The following TDG variants were observed in gnomAD, a reference collection of about 807,000 sequenced individuals.
The protein encoded by TDG is thymine DNA glycosylase.
Under a neutral mutation model 46.1 loss-of-function variants are expected in TDG, and 23 were observed. The ratio of observed to expected loss-of-function variants is 0.50; its 90% CI spans 0.36 to 0.71. TDG has a LOEUF of 0.71. Among genes scored for constraint, TDG ranks in the 30% least tolerant of loss-of-function variants. The pLI, the probability that TDG is intolerant of heterozygous loss-of-function variation, is 0.00. For missense variants in TDG, 304 were observed against 486.7 expected, an observed-to-expected ratio of 0.62 and a Z score of 3.53; for synonymous variants, 115 against 161.3, an observed-to-expected ratio of 0.71 and a Z score of 2.18.
rs898426492 is a variant in TDG at position 103,965,881 on chromosome 12, G to A, written c.-157G>A. The A allele has an allele frequency of 7.5e-6, 9 of 1,200,554 alleles. No individual in the cohort carries two copies. The African/African-American group carries it at 1.2e-4, about 16-fold the overall frequency. 74.4% of individuals were successfully genotyped at this position (1,200,554 alleles called of 1,614,324 possible). A position where few individuals can be genotyped will look rare whatever the true frequency, so the allele number is the denominator to read the frequency against. On this transcript the variant is annotated 5_prime_UTR_variant, in exon 1 of 10. Transcript: ENST00000392872. ...GTCCGTGGGGGACGGTAGAAGCCTGGAGGAGGAGCTTGAGTCCAGCCACTG... is the reference window on the plus strand; with the variant it reads ...GTCCGTGGGGGACGGTAGAAGCCTGAAGGAGGAGCTTGAGTCCAGCCACTG...
At chr12:103,976,664 G>A (rs3751206) in intron 1 of TDG, among the ~76,000 whole-genome samples, 10,182 of 152,164 alleles carry the variant, frequency 0.067, 496 homozygotes, top group East Asian at 0.22. Flanking sequence ...TGACAGGACT[G>A]ATCAGTTTTA....
intron 9 of TDG, 48 bp downstream of exon 9, chr12:103,985,776 G>C (rs748966882): frequency 2.1e-6 from 3 of 1,434,446 alleles, no homozygotes; most frequent in Non-Finnish European, 2.8e-6. Flanking sequence ...GGTTTGGTCA[G>C]GATTGGGGGG....
At chr12:103,978,387 A>G (rs567274192) in intron 2 of TDG, among the ~76,000 whole-genome samples, 2 of 152,040 alleles carry the variant, frequency 1.3e-5, no homozygotes, top group Non-Finnish European at 2.9e-5. Flanking sequence ...GGGGTGGGAG[A>G]GTGGTTGGAG....
intron 1 of TDG, among the ~76,000 whole-genome samples, chr12:103,969,008 C>T (rs1333591482): frequency 1.3e-5 from 2 of 152,138 alleles, no homozygotes; most frequent in Non-Finnish European, 2.9e-5. Flanking sequence ...TAACTAGTGA[C>T]CACTACACTA....
Position 103,985,695 on chromosome 12 carries a change from A to G in TDG, c.1057A>G (p.Ser353Gly). 6.2e-7 allele frequency: 1 copy of G among 1,614,062 alleles called. No individual in the cohort carries two copies. The change falls in exon 9 of 10, where the codon AGT becomes GGT. Residue 353 changes from serine (S) to glycine (G), a missense_variant. Coordinates refer to ENST00000392872, the MANE Select transcript of TDG (RefSeq NM_003211.6). The part of the protein sequence containing the change: ...GGAYGENPCS[S>G]EPCGFSSNGL... The stretch of plus-strand genomic sequence containing the variant: ...TGCTTACGGAGAAAATCCATGCAGC[A>G]GTGAACCTTGTGGCTTCTCTTCAAA...
Position 103,982,912 on chromosome 12 carries a change from C to T in TDG, c.592C>T (p.Pro198Ser). The change falls in exon 5 of 10, where the codon CCC becomes TCC. Residue 198 changes from proline (P) to serine (S), a missense_variant. By Grantham distance (74) the Pro-to-Ser change is moderately conservative. Coordinates refer to ENST00000392872, the MANE Select transcript of TDG (RefSeq NM_003211.6). ...TACCAACATGGTGGAAAGGACCACG[C>T]CCGGCAGCAAAGATCTCTCCAGGTA... Reference protein sequence around the residue: ...GFTNMVERTTPGSKDLSSKEF... With the variant: ...GFTNMVERTTSGSKDLSSKEF... The T allele has an allele frequency of 6.2e-7, 1 of 1,614,124 alleles. No individual in the cohort carries two copies. The highest frequency in any genetic ancestry group is 8.5e-7 in the Non-Finnish European group (1 of 1,180,030).
At chr12:103,976,895 C>T in intron 1 of TDG, 23 bp from the exon 2 acceptor site, 1 of 1,611,658 alleles carries the variant, frequency 6.2e-7, no homozygotes, top group Non-Finnish European at 8.5e-7. Flanking sequence ...ATCATTACAT[C>T]TCATGCTTCA....
intron 4 of TDG, among the ~76,000 whole-genome samples, chr12:103,981,622 C>T (rs972167259): frequency 4.6e-5 from 7 of 152,144 alleles, no homozygotes; most frequent in African/African-American, 1.4e-4. Flanking sequence ...TGTGGCAGTG[C>T]AGACATAATA....
At chr12:103,978,625 C>T (rs1041566955) in intron 2 of TDG, among the ~76,000 whole-genome samples, 3 of 152,096 alleles carry the variant, frequency 2.0e-5, no homozygotes, top group African/African-American at 7.2e-5. Context: ...ATTGGGGAAA[C>T]GCCAAAGAGG....
intron 1 of TDG, among the ~76,000 whole-genome samples, chr12:103,974,985 A>G (rs1025281514): frequency 1.3e-5 from 2 of 149,420 alleles, no homozygotes; most frequent in African/African-American, 4.9e-5. Flanking sequence ...AAAAAAAAAA[A>G]AAAAAAAAGA....
chr12:103,981,441 G>T (rs1260052946), intron 4 of TDG, among the ~76,000 whole-genome samples: 1 of 151,794 alleles, frequency 6.6e-6, no homozygotes, highest in Non-Finnish European at 1.5e-5. Flanking sequence ...CTCCATGTTG[G>T]TCAGGCTGGT....
intron 1 of TDG, among the ~76,000 whole-genome samples, chr12:103,974,228 T>G (rs1566179014): frequency 6.6e-6 from 1 of 152,174 alleles, no homozygotes; most frequent in Admixed American, 6.5e-5. Context: ...ATGATTTACA[T>G]ACTACATAGT....
At chr12:103,980,100 A>G in intron 3 of TDG, 28 bp downstream of exon 3, 3 of 1,612,714 alleles carry the variant, frequency 1.9e-6, no homozygotes, top group African/African-American at 1.3e-5. Context: ...GTTGGATTTT[A>G]TAAGTAGTAT....
chr12:103,977,086 A>G (rs56344754), intron 2 of TDG, 26 bp downstream of exon 2: 45 of 1,586,444 alleles, frequency 2.8e-5, no homozygotes, highest in Non-Finnish European at 3.5e-5. Flanking sequence ...GAGCTTAGAA[A>G]GTTCAACATC....
chr12:103,976,689 T>C (rs1871560323), intron 1 of TDG, among the ~76,000 whole-genome samples: 1 of 152,200 alleles, frequency 6.6e-6, no homozygotes, highest in Non-Finnish European at 1.5e-5. Context: ...TGACACATCT[T>C]ATCATTTAAA....
chr12:103,978,197 C>T (rs542566954), intron 2 of TDG, among the ~76,000 whole-genome samples: 42 of 151,892 alleles, frequency 2.8e-4, no homozygotes, highest in South Asian at 1.9e-3. Flanking sequence ...TTAGGAAACA[C>T]TTAGGAGGTA....
chr12:103,973,145 C>T, intron 1 of TDG: 2 of 621,666 alleles, frequency 3.2e-6, no homozygotes, highest in East Asian at 3.1e-5. Context: ...AGTGCAATGG[C>T]ATCATCTCGG....
chr12:103,982,908 C>A lies in TDG; in HGVS notation c.588C>A (p.Thr196=). 6.2e-7 allele frequency: 1 copy of A among 1,614,062 alleles called. No individual in the cohort carries two copies. Among genetic ancestry groups the A allele is most frequent in the East Asian group, 2.2e-5 (1 of 44,874 alleles). ...GATTTACCAACATGGTGGAAAGGAC[C>A]ACGCCCGGCAGCAAAGATCTCTCCA... is the stretch of plus-strand genomic sequence containing the variant. ...GIGFTNMVER[T]TPGSKDLSSK... The change falls in exon 5 of 10, where the codon ACC becomes ACA. Residue 196 remains threonine (T), a synonymous_variant. Transcript: ENST00000392872.
At chr12:103,983,001 G>T in intron 5 of TDG, 67 bp downstream of exon 5, 1 of 1,598,804 alleles carries the variant, frequency 6.3e-7, no homozygotes, top group South Asian at 1.1e-5. Context: ...AATATTCTAG[G>T]AACATCATAT....
Sources: gnomAD v4.1 joint callset for allele counts (sites outside exome capture counted in the v4.1 genomes callset) on GRCh38, gnomAD v4.1.1 for gene constraint, MANE v1.5 for transcripts, NCBI Gene and HGNC (gene_info 2026-07-23, HGNC 2026-07-21) for gene names.